Variants in EPHA6 observed in about 807,000 individuals in gnomAD.
The protein encoded by EPHA6 is EPH receptor A6, also known as ephrin type-A receptor 6.
Under a neutral mutation model 112.0 loss-of-function variants are expected in EPHA6, and 50 were observed. The observed-to-expected ratio is 0.45, with a 90% CI of 0.36 to 0.56. The LOEUF (loss-of-function observed/expected upper bound fraction) is 0.56, where lower values mean the gene tolerates loss of function less well. EPHA6 is among the 20% of genes least tolerant of loss of function. EPHA6 has a pLI of 0.00. For missense variants in EPHA6, 1,280 were observed against 1,417.4 expected, an observed-to-expected ratio of 0.90 and a Z score of 1.56; for synonymous variants, 529 against 490.7, an observed-to-expected ratio of 1.08 and a Z score of -1.03.
At chr3:97,426,817 A>G (rs1326876202) in intron 6 of EPHA6, among the ~76,000 whole-genome samples, 2 of 152,234 alleles carry the variant, frequency 1.3e-5, no homozygotes, top group African/African-American at 4.8e-5. Flanking sequence ...TCTAATATCT[A>G]GAATCTATAA....
chr3:97,108,184 T>G (rs1165837976), intron 3 of EPHA6, among the ~76,000 whole-genome samples: 2 of 151,960 alleles, frequency 1.3e-5, no homozygotes, highest in Admixed American at 6.6e-5. Context: ...CCACAGGAAG[T>G]AGTAGAGAAA....
At chr3:96,876,673 A>C (rs144865526) in intron 2 of EPHA6, among the ~76,000 whole-genome samples, 1 of 151,936 alleles carries the variant, frequency 6.6e-6, no homozygotes, top group Non-Finnish European at 1.5e-5. Context: ...CAGCTTTTTC[A>C]AAAAAGACCT....
intron 10 of EPHA6, among the ~76,000 whole-genome samples, chr3:97,525,260 A>G (rs1431422404): frequency 6.6e-6 from 1 of 151,998 alleles, no homozygotes; most frequent in Non-Finnish European, 1.5e-5. Flanking sequence ...ATTTTTTTGC[A>G]TGATTGCCTC....
intron 6 of EPHA6, among the ~76,000 whole-genome samples, chr3:97,410,106 G>A (rs556222334): frequency 3.9e-5 from 6 of 152,092 alleles, no homozygotes; most frequent in Non-Finnish European, 7.4e-5. Flanking sequence ...TTTAAAAGAA[G>A]GTTGAAGTCT....
At chr3:97,463,725 T>C (rs1158717653) in intron 7 of EPHA6, among the ~76,000 whole-genome samples, 3 of 152,164 alleles carry the variant, frequency 2.0e-5, no homozygotes, top group African/African-American at 7.2e-5. Context: ...GAAGATGATT[T>C]TTCCATGATG....
intron 5 of EPHA6, among the ~76,000 whole-genome samples, chr3:97,382,218 C>A (rs2085791153): frequency 6.6e-6 from 1 of 151,924 alleles, no homozygotes; most frequent in African/African-American, 2.4e-5. Flanking sequence ...AGAAACATAG[C>A]TTTTATAGCA....
chr3:96,983,341 G>T (rs1244309783), intron 2 of EPHA6, among the ~76,000 whole-genome samples: 1 of 152,092 alleles, frequency 6.6e-6, no homozygotes, highest in Non-Finnish European at 1.5e-5. Flanking sequence ...TGAAATTCTG[G>T]GTTGTAAATT....
intron 5 of EPHA6, among the ~76,000 whole-genome samples, chr3:97,400,700 G>A (rs2086943205): frequency 6.6e-6 from 1 of 151,324 alleles, no homozygotes; most frequent in African/African-American, 2.4e-5. Flanking sequence ...ATTTTAAATG[G>A]GATTGCCTTG....
intron 3 of EPHA6, among the ~76,000 whole-genome samples, chr3:97,090,591 C>G (rs138034875): frequency 1.1e-4 from 16 of 152,122 alleles, no homozygotes; most frequent in African/African-American, 3.4e-4. Flanking sequence ...AATTCATTGC[C>G]TCATATGATC....
chr3:97,085,927 T>TTGTATATATATATATATATATATA (rs1559718504), intron 3 of EPHA6, among the ~76,000 whole-genome samples: 80 of 103,948 alleles, frequency 7.7e-4, no homozygotes, highest in African/African-American at 6.8e-3. Flanking sequence ...ATATATGATG[T>TTGTATATATATATATATATATATA]CATATATATA....
At chr3:97,680,858 A>G (rs989737695) in intron 14 of EPHA6, among the ~76,000 whole-genome samples, 5 of 152,196 alleles carry the variant, frequency 3.3e-5, no homozygotes, top group Non-Finnish European at 5.9e-5. Flanking sequence ...ACTTTTTACA[A>G]AAGTGAACAA....
chr3:97,634,536 G>A (rs2093929900), intron 13 of EPHA6, among the ~76,000 whole-genome samples: 1 of 152,042 alleles, frequency 6.6e-6, no homozygotes, highest in Non-Finnish European at 1.5e-5. Flanking sequence ...TGTTGGGAGG[G>A]CTCACAGGAC....
intron 2 of EPHA6, among the ~76,000 whole-genome samples, chr3:96,954,773 CTTTTTTTTTTT>C (rs10612575): frequency 2.3e-4 from 17 of 72,684 alleles, no homozygotes; most frequent in East Asian, 1.3e-3. Context: ...ACTGGTGTGC[CTTTTTTTTTTT>C]TTTTTTTTTT....
intron 1 of EPHA6, among the ~76,000 whole-genome samples, chr3:96,828,623 A>G (rs1228292109): frequency 6.6e-6 from 1 of 152,128 alleles, no homozygotes; most frequent in Non-Finnish European, 1.5e-5. Flanking sequence ...ATATTCGACC[A>G]TGGTTTCTGG....
chr3:97,383,057 C>T (rs1404642133), intron 5 of EPHA6, among the ~76,000 whole-genome samples: 1 of 151,924 alleles, frequency 6.6e-6, no homozygotes, highest in Non-Finnish European at 1.5e-5. Context: ...TCATAGGATA[C>T]CACCGATGCA....
chr3:97,658,777 G>GA lies in EPHA6; in HGVS notation c.2784+20700dup, dbSNP rs558416605. Among the ~76,000 whole-genome samples the GA allele has an allele frequency of 2.2e-4, 34 of 151,864 alleles. No homozygotes were observed. In the South Asian group the frequency reaches 2.7e-3, roughly 12 times the overall value. On this transcript the variant is annotated intron_variant, in intron 14 of 17. Transcript: ENST00000389672. ...TATTAAAACTGCACATGCTGAGGGG[G>GA]AAAAAGACATAAAAGCATGATAAAA...
At chr3:97,008,516 T>A (rs2043966912) in intron 3 of EPHA6, among the ~76,000 whole-genome samples, 1 of 152,178 alleles carries the variant, frequency 6.6e-6, no homozygotes, top group Non-Finnish European at 1.5e-5. Flanking sequence ...CCTCTAACCT[T>A]TTATCAAGGT....
intron 5 of EPHA6, among the ~76,000 whole-genome samples, chr3:97,381,043 T>C (rs555675561): frequency 2.8e-4 from 42 of 152,214 alleles, no homozygotes; most frequent in African/African-American, 9.9e-4. Flanking sequence ...TTATTAATTT[T>C]AGACTAAGTT....
intron 2 of EPHA6, among the ~76,000 whole-genome samples, chr3:96,956,557 C>A (rs2041767108): frequency 6.6e-6 from 1 of 152,084 alleles, no homozygotes; most frequent in African/African-American, 2.4e-5. Context: ...GAACAGCATG[C>A]TATAGAGCTT....
Sources: allele counts gnomAD v4.1 joint callset (sites outside exome capture counted in the v4.1 genomes callset), GRCh38; gene constraint gnomAD v4.1.1; transcripts MANE v1.5; gene names NCBI Gene and HGNC (gene_info 2026-07-23, HGNC 2026-07-21).